The following TRAPPC13 variants were observed in gnomAD, a reference collection of about 807,000 sequenced individuals.
TRAPPC13 encodes REV7-interacting novel NHEJ regulator 1.
In TRAPPC13, 39 loss-of-function variants were observed where a neutral mutation model predicts 54.0. The ratio of observed to expected loss-of-function variants is 0.72; its 90% CI spans 0.56 to 0.94. The LOEUF is 0.94. TRAPPC13 is among the 40% of genes least tolerant of loss of function. TRAPPC13 has a pLI of 0.00. For synonymous variants in TRAPPC13, 148 were observed against 167.7 expected (o/e 0.88, Z 0.91); for missense variants, 386 against 488.1 (o/e 0.79, Z 1.97).
chr5:65,632,748 T>G (rs895741217), intron 1 of TRAPPC13, among the ~76,000 whole-genome samples: 2 of 152,338 alleles, frequency 1.3e-5, no homozygotes, highest in Middle Eastern at 6.8e-3. Context: ...TAGTAAATGC[T>G]CAGTAAATGC....
At position 65,662,078 on chromosome 5, in the gene TRAPPC13, C is replaced by T; in HGVS notation, c.926C>T (p.Ser309Phe). ...MAPGYGDVRLSLEAIPDTVNL... is the reference protein window; with the variant it reads ...MAPGYGDVRLFLEAIPDTVNL... The stretch of plus-strand genomic sequence containing the variant: ...CCAGGTTATGGAGATGTTAGGTTGT[C>T]TTTGGAGGCAATACCAGATACCGTA... Residue 309 changes from serine to phenylalanine, a missense_variant, in exon 11 of 13, where the codon TCT becomes TTT. By Grantham distance (155) the Ser-to-Phe change is radical. Transcript: ENST00000399438. 1.2e-6 allele frequency: 2 copies of T among 1,608,486 alleles called. No homozygotes were observed. The highest frequency in any genetic ancestry group is 1.7e-6 in the Non-Finnish European group (2 of 1,177,600).
At chr5:65,658,718 T>TTTCA (rs1756742768) in intron 9 of TRAPPC13, among the ~76,000 whole-genome samples, 3 of 151,090 alleles carry the variant, frequency 2.0e-5, no homozygotes, top group Non-Finnish European at 4.4e-5. Flanking sequence ...TTATTTTTAT[T>TTTCA]TTTATTTATT....
chr5:65,651,842 G>GTTTTTTTTTTTTTTTTTTTTTT (rs762929434), intron 6 of TRAPPC13, among the ~76,000 whole-genome samples: 1 of 41,162 alleles, frequency 2.4e-5, no homozygotes, highest in African/African-American at 9.3e-5. Context: ...ACGTGATTCA[G>GTTTTTTTTTTTTTTTTTTTTTT]TTTTTTTTTT....
At position 65,635,386 on chromosome 5, in the gene TRAPPC13, C is replaced by T. The variant is rs1176540815; in HGVS notation, c.115+17C>T. Reference sequence around the variant, plus strand: ...ACTTACCTGGTATGGCACATGCTTTCCTCTATTTGCACCTAGGGAAAGGTT... The same window carrying T: ...ACTTACCTGGTATGGCACATGCTTTTCTCTATTTGCACCTAGGGAAAGGTT... On this transcript the variant is annotated intron_variant, in intron 2 of 12. Transcript: ENST00000399438. 6.2e-7 allele frequency: 1 copy of T among 1,604,348 alleles called. No individual in the cohort carries two copies. Among genetic ancestry groups the T allele is most frequent in the Admixed American group, 1.7e-5 (1 of 59,762 alleles).
intron 1 of TRAPPC13, among the ~76,000 whole-genome samples, chr5:65,627,105 C>T (rs1381327796): frequency 2.6e-5 from 3 of 116,956 alleles, no homozygotes; most frequent in Non-Finnish European, 4.9e-5. Context: ...GCACTCCAGC[C>T]TGGGTGACAG....
intron 1 of TRAPPC13, among the ~76,000 whole-genome samples, chr5:65,632,912 G>A (rs1371798971): frequency 6.6e-6 from 1 of 152,158 alleles, no homozygotes; most frequent in Non-Finnish European, 1.5e-5. Flanking sequence ...TTCATGAAGT[G>A]CTAATTATTT....
intron 8 of TRAPPC13, among the ~76,000 whole-genome samples, chr5:65,657,255 G>A (rs927511094): frequency 2.6e-5 from 4 of 151,734 alleles, no homozygotes; most frequent in African/African-American, 4.8e-5. Flanking sequence ...GATATTGCGC[G>A]CCTATAATCC....
intron 1 of TRAPPC13, among the ~76,000 whole-genome samples, chr5:65,631,605 T>G (rs1755545314): frequency 6.6e-6 from 1 of 152,212 alleles, no homozygotes; most frequent in Non-Finnish European, 1.5e-5. Context: ...TATCTCTCAC[T>G]TATGAGAATA....
intron 3 of TRAPPC13, among the ~76,000 whole-genome samples, chr5:65,636,446 A>T (rs1029097103): frequency 1.3e-5 from 2 of 152,018 alleles, no homozygotes; most frequent in African/African-American, 4.8e-5. Flanking sequence ...CTAGGACATG[A>T]TACATTTGAG....
At chr5:65,662,013 G>A (rs371659774) in intron 10 of TRAPPC13, 37 bp from the exon 11 acceptor site, 3 of 1,483,780 alleles carry the variant, frequency 2.0e-6, no homozygotes, top group Non-Finnish European at 2.7e-6. Flanking sequence ...AAGGTTTTGT[G>A]ATAGATATAC....
intron 4 of TRAPPC13, among the ~76,000 whole-genome samples, chr5:65,643,009 T>C (rs1043722446): frequency 3.3e-5 from 5 of 152,146 alleles, no homozygotes; most frequent in Non-Finnish European, 5.9e-5. Flanking sequence ...ATTAAGACAA[T>C]ATAATAAATG....
intron 11 of TRAPPC13, chr5:65,663,332 A>T (rs981173165): frequency 6.6e-6 from 1 of 152,158 alleles, no homozygotes; most frequent in Non-Finnish European, 1.5e-5. Flanking sequence ...CCTACACACC[A>T]GGGACATGCA....
intron 7 of TRAPPC13, among the ~76,000 whole-genome samples, chr5:65,653,657 C>T (rs1756554342): frequency 6.6e-6 from 1 of 152,016 alleles, no homozygotes; most frequent in South Asian, 2.1e-4. Flanking sequence ...GGATTGGAGT[C>T]TGAAAGGAAT....
In TRAPPC13 at chr5:65,647,118, C is replaced by T. The variant is rs1338360327; in HGVS notation, c.364C>T (p.Leu122Phe). ...LSASNAAVAE[L>F]KPDCCIDDVI... ...AGCCTCCAATGCTGCAGTGGCTGAA[C>T]TTAAACCGGATTGTTGTATTGATGA... Residue 122 changes from leucine (L) to phenylalanine (F), a missense_variant, in exon 5 of 13, where the codon CTT becomes TTT. Coordinates refer to ENST00000399438, the MANE Select transcript of TRAPPC13 (RefSeq NM_024941.4). 1 of 1,569,812 alleles carries T rather than the reference C, an allele frequency of 6.4e-7. No individual in the cohort carries two copies. The highest frequency in any genetic ancestry group is 8.7e-7 in the Non-Finnish European group (1 of 1,155,492).
chr5:65,642,959 GGTA>G (rs1401708583), intron 4 of TRAPPC13, among the ~76,000 whole-genome samples: 3 of 152,154 alleles, frequency 2.0e-5, no homozygotes, highest in African/African-American at 7.2e-5. Flanking sequence ...ACAGTAAAGA[GGTA>G]GTAGCATTGT....
chr5:65,637,775 G>A lies in TRAPPC13; in HGVS notation c.295G>A (p.Val99Ile), dbSNP rs1288405739. ...DSNQVVKDILVKADLQTSSQR... is the reference protein window; with the variant it reads ...DSNQVVKDILIKADLQTSSQR... ...CAATCAAGTTGTAAAAGACATATTA[G>A]TAAAAGTAAGTAACATTCTTACTTG... The change falls in exon 4 of 13, where the codon GTA becomes ATA. Residue 99 changes from valine (V) to isoleucine (I), a missense_variant. Coordinates refer to ENST00000399438, the MANE Select transcript of TRAPPC13 (RefSeq NM_024941.4). 2 of 1,530,700 alleles carry A rather than the reference G, an allele frequency of 1.3e-6. No homozygotes were observed. The allele number at this position is 1,530,700 out of a possible 1,614,324, so 94.8% of individuals were successfully genotyped here.
intron 5 of TRAPPC13, among the ~76,000 whole-genome samples, chr5:65,649,918 G>A (rs144653924): frequency 2.0e-5 from 3 of 148,366 alleles, no homozygotes; most frequent in African/African-American, 7.5e-5. Context: ...GTGCAGTGGC[G>A]CAATCTCAGC....
In TRAPPC13 at chr5:65,665,575, C is replaced by CTAA. The variant is rs1757010458; in HGVS notation, c.*966_*968dup. 1 of 151,924 alleles carries CTAA rather than the reference C, an allele frequency of 6.6e-6. No individual in the cohort carries two copies. The highest frequency in any genetic ancestry group is 2.4e-5 in the African/African-American group (1 of 41,370). The allele number at this position is 151,924 out of a possible 1,614,324, so 9.4% of individuals were successfully genotyped here. ...ATTAACTAAGAATAATACTTATTTT[C>CTAA]TAATTATAAGCCAAAAACCCCTGGG... On this transcript the variant is annotated 3_prime_UTR_variant, in exon 13 of 13. Transcript: ENST00000399438.
chr5:65,650,887 T>G lies in TRAPPC13; in HGVS notation c.501+5T>G. 6.3e-7 allele frequency: 1 copy of G among 1,599,682 alleles called. No homozygotes were observed. Among genetic ancestry groups the G allele is most frequent in the Non-Finnish European group, 8.6e-7 (1 of 1,167,342 alleles). ...AGAAAATTCTTCAAATTTCAGGTAT[T>G]GAATATGACAATGGTAAATAGTTTT... On this transcript the variant is annotated splice_donor_5th_base_variant and intron_variant, in intron 6 of 12. Transcript: ENST00000399438.
Sources: gnomAD v4.1 joint callset for allele counts (sites outside exome capture counted in the v4.1 genomes callset) on GRCh38, gnomAD v4.1.1 for gene constraint, MANE v1.5 for transcripts, NCBI Gene and HGNC (gene_info 2026-07-23, HGNC 2026-07-21) for gene names.